MROH2A: variants seen among roughly 807,000 people sequenced by gnomAD.
MROH2A encodes maestro heat like repeat family member 2A.
MROH2A carries 174 observed loss-of-function variants against 200.4 expected under a neutral mutation model. The observed-to-expected ratio is 0.87, with a 90% CI of 0.77 to 0.98. The LOEUF (loss-of-function observed/expected upper bound fraction) is 0.98. MROH2A is among the 50% of genes least tolerant of loss of function. The pLI is 0.00. For missense variants in MROH2A, 2,045 were observed against 2,139.6 expected, an observed-to-expected ratio of 0.96 and a Z score of 0.87; for synonymous variants, 829 against 840.4, an observed-to-expected ratio of 0.99 and a Z score of 0.23.
chr2:233,780,918 G>A (rs971985309), intron 3 of MROH2A, among the ~76,000 whole-genome samples: 3 of 151,868 alleles, frequency 2.0e-5, no homozygotes, highest in Non-Finnish European at 2.9e-5. Context: ...CCCTAATACC[G>A]AAATTCTACT....
intron 8 of MROH2A, among the ~76,000 whole-genome samples, chr2:233,794,833 C>G (rs1476776575): frequency 6.6e-6 from 1 of 152,206 alleles, no homozygotes; most frequent in Non-Finnish European, 1.5e-5. Context: ...GATGTATTCT[C>G]TGTACGTCCT....
intron 5 of MROH2A, among the ~76,000 whole-genome samples, chr2:233,792,178 C>A (rs545008461): frequency 6.6e-6 from 1 of 152,146 alleles, no homozygotes; most frequent in African/African-American, 2.4e-5. Flanking sequence ...TGCTTCTTGC[C>A]CCTCCTTCCC....
rs1484053405 is a variant in MROH2A, at chr2:233,779,469, C to A, written c.94+17C>A. 2 of 1,532,728 alleles carry A rather than the reference C, an allele frequency of 1.3e-6. No homozygotes were observed. The highest frequency in any genetic ancestry group is 2.4e-5 in the South Asian group (2 of 83,672). 94.9% of individuals were successfully genotyped at this position (1,532,728 alleles called of 1,614,324 possible). Reference sequence around the variant, plus strand: ...ATGACAGTGGTAAGAATGTCATCCACATTTCTGCTTTCCTGCCCCATCTCA... The same window carrying A: ...ATGACAGTGGTAAGAATGTCATCCAAATTTCTGCTTTCCTGCCCCATCTCA... On this transcript the variant is annotated intron_variant, in intron 2 of 41. Transcript: ENST00000389758.
intron 38 of MROH2A, among the ~76,000 whole-genome samples, chr2:233,830,592 ATGGCCTGGGTGGCCCAGG>A (rs1479416803): frequency 2.0e-5 from 3 of 151,726 alleles, no homozygotes; most frequent in Non-Finnish European, 4.4e-5. Flanking sequence ...GGTGGCCCAG[ATGGCCTGGGTGGCCCAGG>A]TGGGATGGCC....
chr2:233,812,486 A>G (rs1256486902), intron 24 of MROH2A, among the ~76,000 whole-genome samples: 3 of 152,218 alleles, frequency 2.0e-5, no homozygotes, highest in Non-Finnish European at 2.9e-5. Context: ...TACCTCCCCT[A>G]TAGGGGAAGA....
intron 35 of MROH2A, among the ~76,000 whole-genome samples, chr2:233,827,285 A>G (rs1282849636): frequency 1.3e-5 from 2 of 152,240 alleles, no homozygotes; most frequent in Admixed American, 1.3e-4. Flanking sequence ...TGTTCATTGT[A>G]GCACTATTCA....
Position 233,802,195 on chromosome 2 carries a change from A to G in MROH2A, c.1588A>G (p.Ile530Val), listed in dbSNP as rs949032095. The part of the protein sequence containing the change: ...TEFWVRLLCY[I>V]METDYVEALT... ...GTTTTGGGTGAGGCTGCTGTGCTAC[A>G]TCATGGAGACAGACTACGTGGAAGC... Residue 530 changes from isoleucine to valine, a missense_variant, in exon 15 of 42, where the codon ATC becomes GTC. Transcript: ENST00000389758. 13 of 1,550,056 alleles carry G rather than the reference A, an allele frequency of 8.4e-6. No individual in the cohort carries two copies. Among genetic ancestry groups the G allele is most frequent in the East Asian group, 2.4e-5 (1 of 40,898 alleles).
intron 29 of MROH2A, among the ~76,000 whole-genome samples, chr2:233,818,990 T>C (rs1364756165): frequency 6.6e-6 from 1 of 152,240 alleles, no homozygotes; most frequent in Non-Finnish European, 1.5e-5. Context: ...TTAATCTGCT[T>C]TGCTGTCTTC....
Position 233,819,934 on chromosome 2 carries a change from C to A in MROH2A, c.3390C>A (p.His1130Gln), listed in dbSNP as rs773736964. ...VAEILSAILV[H>Q]LPVVDHPEVR... The stretch of plus-strand genomic sequence containing the variant: ...AGATCCTGAGTGCCATCCTGGTGCA[C>A]CTGCCGGTGGTGGACCACCCAGAGG... Residue 1130 changes from histidine to glutamine, a missense_variant, in exon 31 of 42, where the codon CAC becomes CAA. Physicochemically the swap from His to Gln is conservative, Grantham distance 24 (BLOSUM62 0). This residue lies in a region of MROH2A where 1,201 missense variants were observed against 1,311.3 expected (regional missense o/e 0.92). Coordinates refer to ENST00000389758, the MANE Select transcript of MROH2A (RefSeq NM_001394639.1). The A allele has an allele frequency of 6.5e-7, 1 of 1,531,172 alleles. No homozygotes were observed. The highest frequency in any genetic ancestry group is 2.0e-5 in the Admixed American group (1 of 49,642). The allele number at this position is 1,531,172 out of a possible 1,614,324, so 94.8% of individuals were successfully genotyped here. A position where few individuals can be genotyped will look rare whatever the true frequency, so the allele number is the denominator to read the frequency against.
At chr2:233,776,534 G>C (rs1317148261), upstream of MROH2A, among the ~76,000 whole-genome samples, 8 of 151,512 alleles carry the variant, frequency 5.3e-5, no homozygotes. Flanking sequence ...GCTAATTTTT[G>C]TATTTTTTAG....
Position 233,809,251 on chromosome 2 carries a change from C to T in MROH2A, c.2421C>T (p.Ile807=), listed in dbSNP as rs1233409409. ...TGGACAGCCCCATCACCGCTAAGAT[C>T]ATTCACCATTATGTCAGCAGCTGCC... ...NLVDSPITAK[I]IHHYVSSCQD... Residue 807 remains isoleucine, a synonymous_variant, in exon 22 of 42, where the codon ATC becomes ATT. Coordinates refer to ENST00000389758, the MANE Select transcript of MROH2A (RefSeq NM_001394639.1). 6.4e-7 allele frequency: 1 copy of T among 1,550,450 alleles called. No individual in the cohort carries two copies. The highest frequency in any genetic ancestry group is 8.7e-7 in the Non-Finnish European group (1 of 1,146,962).
At chr2:233,823,075 G>A in intron 34 of MROH2A, 57 bp downstream of exon 34, 1 of 1,531,346 alleles carries the variant, frequency 6.5e-7, no homozygotes, top group Non-Finnish European at 8.8e-7. Context: ...CTCCTTGCTG[G>A]ATGGAAGGGC....
chr2:233,814,790 T>A, intron 26 of MROH2A, 113 bp downstream of exon 26: 1 of 655,280 alleles, frequency 1.5e-6, no homozygotes, highest in South Asian at 2.3e-5. Flanking sequence ...TTTTAGTGAT[T>A]TCATTGTTAT....
chr2:233,795,318 T>G (rs1458925391), intron 8 of MROH2A, among the ~76,000 whole-genome samples: 1 of 150,312 alleles, frequency 6.7e-6, no homozygotes, highest in Admixed American at 6.6e-5. Context: ...AAGCAAGGAG[T>G]GGAAAGGGAT....
chr2:233,818,324 T>A (rs1241629416), intron 28 of MROH2A, among the ~76,000 whole-genome samples, 199 bp downstream of exon 28: 1 of 151,942 alleles, frequency 6.6e-6, no homozygotes, highest in Non-Finnish European at 1.5e-5. Flanking sequence ...GAAGGAGAGG[T>A]TCATTAGCCC....
At chr2:233,798,942 T>C in intron 12 of MROH2A, 92 bp downstream of exon 12, 1 of 1,055,122 alleles carries the variant, frequency 9.5e-7, no homozygotes, top group Non-Finnish European at 1.4e-6. Flanking sequence ...CAGAGGCTTT[T>C]GATGGAAAAC....
chr2:233,807,397 C>A lies in MROH2A; in HGVS notation c.2053-26C>A, dbSNP rs573716358. On this transcript the variant is annotated intron_variant, in intron 19 of 41. Coordinates refer to ENST00000389758, the MANE Select transcript of MROH2A (RefSeq NM_001394639.1). The surrounding 1 kb of genome is among the most constrained non-coding windows in gnomAD (Gnocchi z 4.3). ...AAGGCTGGCTGTAGGGAGGCCTGAGCTCCTTCCTCCCTTCTGCCTCTCCAG... is the reference window on the plus strand; with the variant it reads ...AAGGCTGGCTGTAGGGAGGCCTGAGATCCTTCCTCCCTTCTGCCTCTCCAG... 5.2e-6 allele frequency: 8 copies of A among 1,538,298 alleles called. No individual in the cohort carries two copies. Among genetic ancestry groups the A allele is most frequent in the Middle Eastern group, 1.7e-4 (1 of 5,890 alleles).
At position 233,832,272 on chromosome 2, in the gene MROH2A, C is replaced by T. The variant is rs1297543260; in HGVS notation, c.4830C>T (p.Asn1610=). The T allele has an allele frequency of 6.4e-7, 1 of 1,550,660 alleles. No individual in the cohort carries two copies. The highest frequency in any genetic ancestry group is 2.4e-5 in the East Asian group (1 of 40,916). The change falls in exon 40 of 42, where the codon AAC becomes AAT. Residue 1610 remains asparagine, a synonymous_variant. Transcript: ENST00000389758. ...CAAGAATCAGAATCGCTGCTTGCAA[C>T]TTGGCAGGTGAGCAGAGAGACGTCT... ...NLSRIRIAAC[N]LAGIIMKQMS...
chr2:233,823,987 G>A (rs1255792289), intron 35 of MROH2A, among the ~76,000 whole-genome samples: 2 of 152,146 alleles, frequency 1.3e-5, no homozygotes, highest in Non-Finnish European at 2.9e-5. Context: ...GACTCAGAGA[G>A]GCCGAGGGGC....
Sources: gnomAD v4.1 joint callset for allele counts (sites outside exome capture counted in the v4.1 genomes callset) on GRCh38, gnomAD v4.1.1 for gene constraint, gnomAD v4.1.1 regional missense constraint, Gnocchi (gnomAD v3.1) non-coding constraint, MANE v1.5 for transcripts, NCBI Gene and HGNC (gene_info 2026-07-23, HGNC 2026-07-21) for gene names.